The following SAMD12 variants were observed in gnomAD, a reference collection of about 807,000 sequenced individuals.
The protein encoded by SAMD12 is sterile alpha motif domain-containing protein 12.
In SAMD12, 9 loss-of-function variants were observed where a neutral mutation model predicts 15.0. The observed-to-expected ratio is 0.60, with a 90% CI of 0.36 to 1.05. SAMD12 has a LOEUF of 1.05. Among genes scored for constraint, SAMD12 ranks in the 50% least tolerant of loss-of-function variants. The pLI is 0.01. For synonymous variants in SAMD12, 86 were observed against 90.1 expected (o/e 0.96, Z 0.25); for missense variants, 230 against 234.2 (o/e 0.98, Z 0.12).
chr8:118,455,983 T>G (rs1337523140), intron 2 of SAMD12, among the ~76,000 whole-genome samples: 2 of 152,212 alleles, frequency 1.3e-5, no homozygotes, highest in Non-Finnish European at 2.9e-5. Flanking sequence ...TTCCACACTT[T>G]CCACCTACAG....
chr8:118,497,451 C>T (rs746297236), intron 2 of SAMD12, among the ~76,000 whole-genome samples: 12 of 151,984 alleles, frequency 7.9e-5, no homozygotes, highest in Admixed American at 6.6e-4. Context: ...TTAACCTAAG[C>T]GAATTAATGC....
At chr8:118,154,243 G>T in the SAMD12 span, among the ~76,000 whole-genome samples, 1 of 152,002 alleles carries the variant, frequency 6.6e-6, no homozygotes. Flanking sequence ...TCCCTTTTCA[G>T]CGTCATTTCG....
At chr8:118,184,594 C>T (rs564511910), downstream of SAMD12, among the ~76,000 whole-genome samples, 38 of 152,142 alleles carry the variant, frequency 2.5e-4, no homozygotes, top group Non-Finnish European at 5.0e-4. Flanking sequence ...CTCCCCAGTT[C>T]GAGCAATTCT....
At position 118,579,924 on chromosome 8, in the gene SAMD12, A is replaced by G. The variant is rs1313967044; in HGVS notation, c.192+791T>C. Among the ~76,000 whole-genome samples, 3 of 152,166 alleles carry G rather than the reference A, an allele frequency of 2.0e-5. No individual in the cohort carries two copies. The East Asian group carries it at 5.8e-4, about 29-fold the overall frequency. The stretch of plus-strand genomic sequence containing the variant: ...CAAATATCCAGATAGTGCCAGTCCC[A>G]TTGTAGGGAGCCTTTAGAAGAGGCT... On this transcript the variant is annotated intron_variant, in intron 2 of 3. Transcript: ENST00000314727.
chr8:118,241,699 C>G (rs1812571145), intron 4 of SAMD12, among the ~76,000 whole-genome samples: 1 of 152,082 alleles, frequency 6.6e-6, no homozygotes, highest in Non-Finnish European at 1.5e-5. Flanking sequence ...TTTCCTCATC[C>G]ATGAAATGGG....
chr8:118,260,690 A>G (rs1465941859), intron 4 of SAMD12, among the ~76,000 whole-genome samples: 1 of 152,086 alleles, frequency 6.6e-6, no homozygotes, highest in Non-Finnish European at 1.5e-5. Context: ...GAGAAGAGTG[A>G]CATTGGAGTC....
intron 2 of SAMD12, among the ~76,000 whole-genome samples, chr8:118,465,814 G>A (rs1823578988): frequency 6.6e-6 from 1 of 152,050 alleles, no homozygotes; most frequent in Non-Finnish European, 1.5e-5. Context: ...GGACATTCTT[G>A]GAATCTAGGA....
chr8:118,602,189 T>C (rs1827879387), intron 1 of SAMD12, among the ~76,000 whole-genome samples: 2 of 152,188 alleles, frequency 1.3e-5, no homozygotes, highest in South Asian at 4.1e-4. Flanking sequence ...AACCTCTCTT[T>C]CAGGGCTGAA....
At chr8:118,619,901 T>C (rs573941777) in intron 1 of SAMD12, among the ~76,000 whole-genome samples, 2 of 152,342 alleles carry the variant, frequency 1.3e-5, no homozygotes, top group East Asian at 3.9e-4. Flanking sequence ...TCCAGGCTGA[T>C]ATCTTTGCAA....
chr8:118,275,320 A>G (rs1813447524), intron 4 of SAMD12, among the ~76,000 whole-genome samples: 2 of 152,198 alleles, frequency 1.3e-5, no homozygotes, highest in African/African-American at 4.8e-5. Flanking sequence ...ACCAATTCTT[A>G]GGATGGCTTG....
At chr8:118,462,453 C>T (rs1823451420) in intron 2 of SAMD12, among the ~76,000 whole-genome samples, 1 of 152,142 alleles carries the variant, frequency 6.6e-6, no homozygotes, top group African/African-American at 2.4e-5. Flanking sequence ...CACAGATACA[C>T]CATTCAGTTT....
intron 4 of SAMD12, among the ~76,000 whole-genome samples, chr8:118,213,962 C>T (rs943905066): frequency 7.2e-5 from 11 of 152,158 alleles, no homozygotes; most frequent in African/African-American, 2.4e-4. Context: ...GCACACCCAC[C>T]TATTGACCAC....
chr8:118,245,195 G>A (rs1812657209), intron 4 of SAMD12, among the ~76,000 whole-genome samples: 1 of 152,116 alleles, frequency 6.6e-6, no homozygotes, highest in Non-Finnish European at 1.5e-5. Context: ...TGCCAAGGTA[G>A]GCAGATAATT....
At chr8:118,621,650 G>T in intron 1 of SAMD12, 154 bp downstream of exon 1, 1 of 793,706 alleles carries the variant, frequency 1.3e-6, no homozygotes, top group Non-Finnish European at 2.2e-6. Context: ...GGCCTTGGCG[G>T]CGCAGGTGAG....
chr8:118,403,092 A>G (rs930740838), intron 3 of SAMD12, among the ~76,000 whole-genome samples: 8 of 152,362 alleles, frequency 5.3e-5, no homozygotes, highest in Non-Finnish European at 1.0e-4. Context: ...GATTTATCAC[A>G]TATCTTCACA....
At chr8:118,528,620 G>A (rs1825598633) in intron 2 of SAMD12, among the ~76,000 whole-genome samples, 1 of 152,194 alleles carries the variant, frequency 6.6e-6, no homozygotes, top group Non-Finnish European at 1.5e-5. Context: ...TCTTTTTGGT[G>A]TAGGCATCTA....
At chr8:118,521,399 T>C (rs928397023) in intron 2 of SAMD12, among the ~76,000 whole-genome samples, 3 of 152,172 alleles carry the variant, frequency 2.0e-5, no homozygotes, top group Admixed American at 6.5e-5. Flanking sequence ...GGATTTTGTA[T>C]TAGAGACCTG....
At chr8:118,508,438 AGTTTCTTTTTTGTTTT>A (rs140619711) in intron 2 of SAMD12, among the ~76,000 whole-genome samples, 3,587 of 152,248 alleles carry the variant, frequency 0.024, 117 homozygotes, top group African/African-American at 0.076. Context: ...TTTTCTCACA[AGTTTCTTTTTTGTTTT>A]GTTTCTTTTT....
chr8:118,197,384 T>C (rs1217052348), exon 5 of SAMD12: 12 of 402,256 alleles, frequency 3.0e-5, no homozygotes, highest in Non-Finnish European at 4.9e-5. Context: ...ACAGGACTTC[T>C]AGTGAAGGGC....
Sources: allele counts gnomAD v4.1 joint callset (sites outside exome capture counted in the v4.1 genomes callset), GRCh38; gene constraint gnomAD v4.1.1; transcripts MANE v1.5; gene names NCBI Gene and HGNC (gene_info 2026-07-23, HGNC 2026-07-21).